The following KRCC1 variants were observed in gnomAD, a reference collection of about 807,000 sequenced individuals.
KRCC1 encodes the protein lysine rich coiled-coil 1.
Under a neutral mutation model 7.4 loss-of-function variants are expected in KRCC1, and 3 were observed. The ratio of observed to expected loss-of-function variants is 0.40; its 90% CI spans 0.18 to 1.04. The LOEUF (loss-of-function observed/expected upper bound fraction) is 1.04, where lower values mean the gene tolerates loss of function less well. Ranked by LOEUF, KRCC1 falls within the 50% of genes least tolerant of loss-of-function variation. KRCC1 has a pLI of 0.33. For missense variants in KRCC1, 277 were observed against 300.9 expected (o/e 0.92, Z 0.59); for synonymous variants, 102 against 101.6 (o/e 1.00, Z -0.02).
At chr2:88,045,317 A>C (rs943120090) in intron 1 of KRCC1, among the ~76,000 whole-genome samples, 5 of 152,222 alleles carry the variant, frequency 3.3e-5, no homozygotes, top group Non-Finnish European at 7.3e-5. Flanking sequence ...CCAAAACCTG[A>C]AACAACTCTA....
At chr2:88,032,844 T>C (rs1228553273) in intron 3 of KRCC1, among the ~76,000 whole-genome samples, 2 of 152,234 alleles carry the variant, frequency 1.3e-5, no homozygotes, top group African/African-American at 4.8e-5. Context: ...CTCATGCCTG[T>C]AATCCCAGCA....
rs372281643 is a variant in KRCC1 at position 88,042,765 on chromosome 2, T to C, written c.-290-5714A>G. Among the ~76,000 whole-genome samples the C allele has an allele frequency of 4.6e-5, 7 of 152,284 alleles. No individual in the cohort carries two copies. In the South Asian group the frequency reaches 1.0e-3, roughly 23 times the overall value. ...ATGATCTTAATCTTGGTATTTGCTA[T>C]GGCTCCCACACATACTTTTTATATG... On this transcript the variant is annotated intron_variant, in intron 1 of 3. Transcript: ENST00000347055.
chr2:88,051,553 A>G (rs768618460), intron 1 of KRCC1, among the ~76,000 whole-genome samples: 51 of 152,256 alleles, frequency 3.3e-4, no homozygotes, highest in Non-Finnish European at 7.3e-4. Flanking sequence ...ATAGTGTGAC[A>G]TATCAAATAT....
intron 1 of KRCC1, among the ~76,000 whole-genome samples, chr2:88,054,992 C>T (rs923835651): frequency 2.2e-4 from 34 of 152,248 alleles, no homozygotes; most frequent in African/African-American, 7.5e-4. Context: ...AAAGCACACA[C>T]ACATAAAACC....
Position 88,027,739 on chromosome 2 carries a change from A to C in KRCC1, c.*45T>G, listed in dbSNP as rs746305188. 1 of 1,509,848 alleles carries C rather than the reference A, an allele frequency of 6.6e-7. No homozygotes were observed. The highest frequency in any genetic ancestry group is 1.3e-5 in the South Asian group (1 of 74,476). The allele number at this position is 1,509,848 out of a possible 1,614,324, so 93.5% of individuals were successfully genotyped here. On this transcript the variant is annotated 3_prime_UTR_variant, in exon 4 of 4. Coordinates refer to ENST00000347055, the MANE Select transcript of KRCC1 (RefSeq NM_016618.3). ...ACGGATATCATAAAACCAAGCTCTCACCTATTTTTTCAATTTAACTTTGGG... is the reference window on the plus strand; with the variant it reads ...ACGGATATCATAAAACCAAGCTCTCCCCTATTTTTTCAATTTAACTTTGGG...
intron 2 of KRCC1, among the ~76,000 whole-genome samples, chr2:88,036,158 G>A (rs1393528480): frequency 6.6e-6 from 1 of 152,208 alleles, no homozygotes; most frequent in Non-Finnish European, 1.5e-5. Flanking sequence ...TTTCATTTAA[G>A]TAAATGTATC....
At position 88,027,874 on chromosome 2, in the gene KRCC1, CTCTT is replaced by C. The variant is rs1213160099; in HGVS notation, c.686_689del (p.Lys229ArgfsTer45). The C allele has an allele frequency of 6.2e-7, 1 of 1,613,522 alleles. No individual in the cohort carries two copies. Among genetic ancestry groups the C allele is most frequent in the South Asian group, 1.1e-5 (1 of 90,818 alleles). On this transcript the variant is annotated frameshift_variant, in exon 4 of 4. Coordinates refer to ENST00000347055, the MANE Select transcript of KRCC1 (RefSeq NM_016618.3). LOFTEE classifies it high-confidence loss of function. ...TTTTCTTTTTTGTACGCTTACGTTC[CTCTT>C]TCTTAGAGACTACATCTCGGCTTTT...
chr2:88,055,703 G>C lies in KRCC1; in HGVS notation c.-368C>G, dbSNP rs971770708. On this transcript the variant is annotated 5_prime_UTR_variant, in exon 1 of 4. Transcript: ENST00000347055. ...CGCCGCCAGCCAGGGGATAAGCCGC[G>C]GTGGAGGTGGCGGAGAGGCAGGAAC... 6.5e-6 allele frequency: 1 copy of C among 153,288 alleles called. No homozygotes were observed. Among genetic ancestry groups the C allele is most frequent in the Non-Finnish European group, 1.5e-5 (1 of 68,898 alleles). 9.5% of individuals were successfully genotyped at this position (153,288 alleles called of 1,614,324 possible).
intron 1 of KRCC1, among the ~76,000 whole-genome samples, chr2:88,045,447 C>A (rs79370738): frequency 6.6e-6 from 1 of 152,126 alleles, no homozygotes; most frequent in Non-Finnish European, 1.5e-5. Flanking sequence ...AACCATCACG[C>A]TGAGCGAAAG....
intron 1 of KRCC1, among the ~76,000 whole-genome samples, chr2:88,045,479 C>T (rs1673309188): frequency 6.6e-6 from 1 of 152,150 alleles, no homozygotes; most frequent in Non-Finnish European, 1.5e-5. Flanking sequence ...AGAGTATCTA[C>T]TGTATGATTC....
At chr2:88,036,149 T>C (rs1673085971) in intron 2 of KRCC1, among the ~76,000 whole-genome samples, 1 of 152,220 alleles carries the variant, frequency 6.6e-6, no homozygotes. Context: ...GGCCTTATGT[T>C]TCATTTAAGT....
At chr2:88,042,226 A>G (rs1019058836) in intron 1 of KRCC1, among the ~76,000 whole-genome samples, 8 of 151,874 alleles carry the variant, frequency 5.3e-5, no homozygotes, top group Non-Finnish European at 8.8e-5. Context: ...ACACCCGGCT[A>G]ATTTTTTGTA....
chr2:88,036,104 G>A (rs888944162), intron 2 of KRCC1, among the ~76,000 whole-genome samples: 1 of 152,064 alleles, frequency 6.6e-6, no homozygotes, highest in African/African-American at 2.4e-5. Context: ...TTATCAAGAG[G>A]GAAAACTAGA....
chr2:88,037,684 C>T (rs1235647214), intron 1 of KRCC1, among the ~76,000 whole-genome samples: 1 of 152,228 alleles, frequency 6.6e-6, no homozygotes, highest in African/African-American at 2.4e-5. Context: ...TCTGGGATTA[C>T]AGGCATGAGC....
At chr2:88,042,663 C>T (rs1344491649) in intron 1 of KRCC1, among the ~76,000 whole-genome samples, 1 of 152,154 alleles carries the variant, frequency 6.6e-6, no homozygotes, top group Admixed American at 6.5e-5. Context: ...TCAAGCGATC[C>T]TCCTCCCTTG....
rs931801945 is a variant in KRCC1, at chr2:88,028,522, T to C, written c.42A>G (p.Glu14=). The C allele has an allele frequency of 6.2e-7, 1 of 1,612,544 alleles. No individual in the cohort carries two copies. Among genetic ancestry groups the C allele is most frequent in the Non-Finnish European group, 8.5e-7 (1 of 1,179,226 alleles). Residue 14 remains glutamate (E), a synonymous_variant, in exon 4 of 4, where the codon GAA becomes GAG. Transcript: ENST00000347055. ...SKKTYDSFQD[E]LEDYIKVQKA... ...TCTGTACTTTAATATAATCTTCAAGTTCATCTTGAAAAGAGTCATATGTCT... is the reference window on the plus strand; with the variant it reads ...TCTGTACTTTAATATAATCTTCAAGCTCATCTTGAAAAGAGTCATATGTCT...
At chr2:88,044,401 CA>C (rs10527729) in intron 1 of KRCC1, among the ~76,000 whole-genome samples, 31,106 of 145,098 alleles carry the variant, frequency 0.21, 3,245 homozygotes, top group Admixed American at 0.24. Flanking sequence ...CAAAAGAAAA[CA>C]AAAAAAAAAA....
chr2:88,041,947 C>T (rs1378623676), intron 1 of KRCC1, among the ~76,000 whole-genome samples: 1 of 150,750 alleles, frequency 6.6e-6, no homozygotes, highest in East Asian at 1.9e-4. Flanking sequence ...GAGGTAGCAT[C>T]TCTCCCCCCC....
At position 88,045,723 on chromosome 2, in the gene KRCC1, G is replaced by A. The variant is rs543430451; in HGVS notation, c.-290-8672C>T. 6.6e-5 allele frequency among the ~76,000 whole-genome samples: 10 copies of A among 151,694 alleles called. No homozygotes were observed. In the East Asian group the frequency reaches 9.7e-4, roughly 15 times the overall value. Reference sequence around the variant, plus strand: ...TTTTGAGACAGAGTCTCACTCTGTCGCTCAGGCTGGAGTGTAGTGGTGCAA... The same window carrying A: ...TTTTGAGACAGAGTCTCACTCTGTCACTCAGGCTGGAGTGTAGTGGTGCAA... On this transcript the variant is annotated intron_variant, in intron 1 of 3. Transcript: ENST00000347055.
Sources: allele counts gnomAD v4.1 joint callset (sites outside exome capture counted in the v4.1 genomes callset), GRCh38; gene constraint gnomAD v4.1.1; transcripts MANE v1.5; gene names NCBI Gene and HGNC (gene_info 2026-07-23, HGNC 2026-07-21).